The following SCAPER variants were observed in gnomAD, a reference collection of about 807,000 sequenced individuals.
SCAPER encodes S phase cyclin A-associated protein in the endoplasmic reticulum.
A neutral mutation model predicts 182.2 loss-of-function variants in SCAPER; 98 were observed. That is an observed-to-expected ratio of 0.54 (90% confidence interval 0.46 to 0.64). The LOEUF is 0.64. SCAPER is among the 30% of genes least tolerant of loss of function. The pLI, the probability that SCAPER is intolerant of heterozygous loss-of-function variation, is 0.00. For missense variants in SCAPER, 1,432 were observed against 1,690.0 expected (o/e 0.85, Z 2.68); for synonymous variants, 605 against 564.6 (o/e 1.07, Z -1.01).
chr15:76,488,590 T>C (rs1432811695), intron 24 of SCAPER, among the ~76,000 whole-genome samples: 2 of 152,020 alleles, frequency 1.3e-5, no homozygotes, highest in East Asian at 1.9e-4. Flanking sequence ...CAAGTACTTA[T>C]GTCAACGTAT....
chr15:76,458,201 TCTC>T (rs879698755), intron 25 of SCAPER, among the ~76,000 whole-genome samples: 3 of 151,962 alleles, frequency 2.0e-5, no homozygotes, highest in Non-Finnish European at 4.4e-5. Context: ...CACTATATAT[TCTC>T]CTTATAGATA....
chr15:76,620,492 A>G (rs973048355), intron 22 of SCAPER, among the ~76,000 whole-genome samples: 23 of 152,178 alleles, frequency 1.5e-4, no homozygotes, highest in Admixed American at 1.2e-3. Context: ...TTAATGTTTT[A>G]TATGGATTTA....
At chr15:76,471,391 A>G in intron 24 of SCAPER, 56 bp from the exon 25 acceptor site, 1 of 1,525,626 alleles carries the variant, frequency 6.6e-7, no homozygotes, top group Non-Finnish European at 8.8e-7. Context: ...TCTTTAAACA[A>G]TTAAAAATAC....
chr15:76,376,613 T>C (rs985644755), intron 28 of SCAPER, among the ~76,000 whole-genome samples: 1 of 152,206 alleles, frequency 6.6e-6, no homozygotes, highest in Non-Finnish European at 1.5e-5. Context: ...ATTTTTCTCA[T>C]ATACAAATAT....
chr15:76,446,254 T>C (rs1215919088), intron 25 of SCAPER, among the ~76,000 whole-genome samples: 1 of 152,194 alleles, frequency 6.6e-6, no homozygotes, highest in Non-Finnish European at 1.5e-5. Flanking sequence ...TAGTATACAA[T>C]ACTGAAAATT....
intron 27 of SCAPER, among the ~76,000 whole-genome samples, chr15:76,392,570 C>CAA (rs1243736545): frequency 6.6e-6 from 1 of 151,460 alleles, no homozygotes; most frequent in Non-Finnish European, 1.5e-5. Flanking sequence ...AGCTCGTCTA[C>CAA]ACACACACAC....
At chr15:76,557,439 G>A (rs757971384) in intron 23 of SCAPER, among the ~76,000 whole-genome samples, 2 of 152,140 alleles carry the variant, frequency 1.3e-5, no homozygotes, top group African/African-American at 4.8e-5. Context: ...CCCCAGTGCT[G>A]GAGGTGGGGC....
At chr15:76,570,713 G>T (rs774654526) in intron 23 of SCAPER, among the ~76,000 whole-genome samples, 1 of 151,932 alleles carries the variant, frequency 6.6e-6, no homozygotes, top group Non-Finnish European at 1.5e-5. Context: ...TTTCCCTATG[G>T]CTACTTGTCC....
At chr15:76,687,926 A>G (rs1216509512) in intron 20 of SCAPER, among the ~76,000 whole-genome samples, 1 of 152,148 alleles carries the variant, frequency 6.6e-6, no homozygotes, top group African/African-American at 2.4e-5. Flanking sequence ...TTTATAGTAC[A>G]ATGTTTTATA....
intron 8 of SCAPER, among the ~76,000 whole-genome samples, chr15:76,781,605 A>C (rs1186291896): frequency 1.3e-5 from 2 of 152,220 alleles, no homozygotes. Flanking sequence ...ATCAAGGTTG[A>C]AATGAAGGAA....
rs1032869474 is a variant in SCAPER, at chr15:76,637,724, A to T, written c.2646-15895T>A. ...CTATCTCTACAATATATATGTGATT[A>T]TATATATATATATATATATGTGTGT... On this transcript the variant is annotated intron_variant, in intron 21 of 31. Transcript: ENST00000563290. 3.2e-4 allele frequency among the ~76,000 whole-genome samples: 9 copies of T among 28,256 alleles called. 1 individual carries two copies. The highest frequency in any genetic ancestry group is 1.9e-3 in the East Asian group (2 of 1,048). 18.5% of individuals were successfully genotyped at this position (28,256 alleles called of 152,430 possible). A position where few individuals can be genotyped will look rare whatever the true frequency, so the allele number is the denominator to read the frequency against.
At chr15:76,771,175 C>A (rs573272280) in intron 10 of SCAPER, among the ~76,000 whole-genome samples, 5 of 152,002 alleles carry the variant, frequency 3.3e-5, no homozygotes, top group East Asian at 1.9e-4. Flanking sequence ...TGGATTATCC[C>A]CAGGTCAAGT....
Position 76,568,190 on chromosome 15 carries a change from C to CATATATATATATATAT in SCAPER, c.2838+5952_2838+5967dup, listed in dbSNP as rs60959582. Among the ~76,000 whole-genome samples the CATATATATATATATAT allele has an allele frequency of 4.6e-4, 64 of 138,696 alleles. 1 individual carries two copies. The highest frequency in any genetic ancestry group is 1.7e-3 in the African/African-American group (56 of 33,340). The allele number at this position is 138,696 out of a possible 152,430, so 91.0% of individuals were successfully genotyped here. On this transcript the variant is annotated intron_variant, in intron 23 of 31. Coordinates refer to ENST00000563290, the MANE Select transcript of SCAPER (RefSeq NM_020843.4). ...AGTACCTCACATGTCATGGATCAAG[C>CATATATATATATATAT]ATATATATATATATATATATATATA... is the stretch of plus-strand genomic sequence containing the variant.
At chr15:76,561,301 C>T (rs1234139601) in intron 23 of SCAPER, among the ~76,000 whole-genome samples, 1 of 152,070 alleles carries the variant, frequency 6.6e-6, no homozygotes, top group Non-Finnish European at 1.5e-5. Context: ...AATTAATGGT[C>T]CTACTTCTGG....
intron 23 of SCAPER, among the ~76,000 whole-genome samples, chr15:76,519,092 C>T (rs148022944): frequency 1.1e-3 from 171 of 152,212 alleles, no homozygotes; most frequent in African/African-American, 4.0e-3. Context: ...GGAGGACACC[C>T]GACCATTAAA....
In SCAPER at chr15:76,360,685, C is replaced by CT. The variant is rs1003131862; in HGVS notation, c.3856-6546dup. ...ACATAGATTAAACTAACACAAAAGA[C>CT]TTTTTTTCAAAAACCTATACTCTTC... On this transcript the variant is annotated intron_variant, in intron 29 of 31. Transcript: ENST00000563290. Among the ~76,000 whole-genome samples the CT allele has an allele frequency of 4.0e-5, 6 of 151,040 alleles. No individual in the cohort carries two copies. The South Asian group carries it at 6.2e-4, about 16-fold the overall frequency.
intron 23 of SCAPER, among the ~76,000 whole-genome samples, chr15:76,535,109 C>T (rs1444735625): frequency 1.3e-5 from 2 of 152,156 alleles, no homozygotes; most frequent in Non-Finnish European, 2.9e-5. Context: ...TGGAGTTAGA[C>T]ACACTCAGTG....
intron 22 of SCAPER, among the ~76,000 whole-genome samples, chr15:76,605,103 T>A (rs1342011995): frequency 6.6e-6 from 1 of 152,196 alleles, no homozygotes; most frequent in Non-Finnish European, 1.5e-5. Flanking sequence ...CTTGTGCCCG[T>A]TTTCAAAGGG....
At chr15:76,852,983 T>C (rs566942221) in intron 4 of SCAPER, among the ~76,000 whole-genome samples, 22 of 152,104 alleles carry the variant, frequency 1.4e-4, no homozygotes, top group East Asian at 3.9e-4. Context: ...ATAAACACAA[T>C]TGGAAATGTC....
Sources: allele counts gnomAD v4.1 joint callset (sites outside exome capture counted in the v4.1 genomes callset), GRCh38; gene constraint gnomAD v4.1.1; transcripts MANE v1.5; gene names NCBI Gene and HGNC (gene_info 2026-07-23, HGNC 2026-07-21).